Variants in CERS1 observed in about 807,000 individuals in gnomAD.
CERS1 encodes the protein Embryonic growth/differentiation factor 1.
Under a neutral mutation model 35.7 loss-of-function variants are expected in CERS1, and 16 were observed. The observed-to-expected ratio is 0.45, with a 90% CI of 0.30 to 0.68. The LOEUF (loss-of-function observed/expected upper bound fraction) is 0.68, where lower values mean the gene tolerates loss of function less well. Ranked by LOEUF, CERS1 falls within the 30% of genes least tolerant of loss-of-function variation. The probability of loss-of-function intolerance (pLI) is 0.08; values close to 1 mark genes in which losing one functional copy is unlikely to be tolerated. For synonymous variants in CERS1, 243 were observed against 201.6 expected (o/e 1.21, Z -1.74); for missense variants, 454 against 453.9 (o/e 1.00, Z 0.00).
rs2055949448 is a variant in CERS1 at position 18,870,533 on chromosome 19, G to A, written c.*44C>T. On this transcript the variant is annotated 3_prime_UTR_variant, in exon 7 of 8. Transcript: ENST00000623882. The surrounding 1 kb of genome is among the most constrained non-coding windows in gnomAD (Gnocchi z 5.1). The stretch of plus-strand genomic sequence containing the variant: ...GCCAAGGACGGGGAGCGTGGCCGGG[G>A]TATTCGGGGTGGGGCCGGGTCCACG... 5 of 107,092 alleles carry A rather than the reference G, an allele frequency of 4.7e-5. No homozygotes were observed. Among genetic ancestry groups the A allele is most frequent in the Non-Finnish European group, 1.0e-4 (5 of 48,948 alleles). 6.6% of individuals were successfully genotyped at this position (107,092 alleles called of 1,614,324 possible).
intron 6 of CERS1, among the ~76,000 whole-genome samples, chr19:18,875,656 C>G (rs2056047883): frequency 6.6e-6 from 1 of 152,148 alleles, no homozygotes; most frequent in African/African-American, 2.4e-5. Context: ...CCAACCTCGG[C>G]CTTTGTGGCC....
chr19:18,870,660 C>G lies in CERS1; in HGVS notation c.1011-41G>C. On this transcript the variant is annotated intron_variant, in intron 6 of 7. Transcript: ENST00000623882. The surrounding 1 kb of genome is among the most constrained non-coding windows in gnomAD (Gnocchi z 5.1). Reference sequence around the variant, plus strand: ...GGCGCAGGTTAGCCTGGGAGCCCCACGCGGCCGCCTGGCCCTCTTTCCCGC... The same window carrying G: ...GGCGCAGGTTAGCCTGGGAGCCCCAGGCGGCCGCCTGGCCCTCTTTCCCGC... 5.8e-6 allele frequency: 3 copies of G among 516,508 alleles called. No individual in the cohort carries two copies. The highest frequency in any genetic ancestry group is 6.7e-5 in the South Asian group (2 of 30,006). The allele number at this position is 516,508 out of a possible 1,614,324, so 32.0% of individuals were successfully genotyped here. A position where few individuals can be genotyped will look rare whatever the true frequency, so the allele number is the denominator to read the frequency against.
chr19:18,885,771 G>A (rs148053628), intron 2 of CERS1, among the ~76,000 whole-genome samples: 3,882 of 151,550 alleles, frequency 0.026, 168 homozygotes, highest in African/African-American at 0.089. Flanking sequence ...CGCCCGCCTC[G>A]GCCTCCCAAA....
chr19:18,884,008 C>G (rs938773512), intron 3 of CERS1, 79 bp downstream of exon 3: 8 of 1,468,932 alleles, frequency 5.4e-6, no homozygotes, highest in Non-Finnish European at 7.4e-6. Flanking sequence ...ACGGCCTCCT[C>G]TGTGCCCCGC....
intron 2 of CERS1, among the ~76,000 whole-genome samples, chr19:18,891,954 C>T (rs2056501835): frequency 1.3e-5 from 2 of 151,014 alleles, no homozygotes; most frequent in Admixed American, 1.3e-4. Flanking sequence ...AGTGCAGTGG[C>T]ACCATCTCGG....
chr19:18,889,510 G>A (rs974160712), intron 2 of CERS1, among the ~76,000 whole-genome samples: 8 of 152,120 alleles, frequency 5.3e-5, no homozygotes, highest in South Asian at 4.1e-4. Context: ...TCGACCTCCC[G>A]GGCTCAAGCC....
intron 1 of CERS1, among the ~76,000 whole-genome samples, chr19:18,894,391 C>A (rs1294876050): frequency 6.6e-6 from 1 of 152,100 alleles, no homozygotes; most frequent in East Asian, 1.9e-4. Context: ...GAGCCGGCTC[C>A]GGTAACCCCT....
At chr19:18,874,261 G>T (rs916156392) in intron 6 of CERS1, among the ~76,000 whole-genome samples, 1 of 152,182 alleles carries the variant, frequency 6.6e-6, no homozygotes, top group Admixed American at 6.5e-5. Context: ...CAGGAGAGAA[G>T]ATGCTCCTAC....
chr19:18,895,362 C>G lies in CERS1; in HGVS notation c.249+462G>C, dbSNP rs902908186. Among the ~76,000 whole-genome samples, 1 of 152,226 alleles carries G rather than the reference C, an allele frequency of 6.6e-6. No homozygotes were observed. On this transcript the variant is annotated intron_variant, in intron 1 of 7. Transcript: ENST00000623882. This position sits in a 1 kb window ranked among gnomAD's most constrained non-coding sequence, Gnocchi z 6.4. ...ATGGCAGGGAGGCGCATGGCGCAGG[C>G]CGCGGTGCGCCGAGCCCTCCCGTTC...
At chr19:18,879,120 G>T in intron 5 of CERS1, 81 bp from the exon 6 acceptor site, 1 of 1,585,506 alleles carries the variant, frequency 6.3e-7, no homozygotes, top group Non-Finnish European at 8.6e-7. Flanking sequence ...CTCCTGTCCC[G>T]GGCCCTCCAC....
intron 4 of CERS1, 116 bp downstream of exon 4, chr19:18,880,158 A>G (rs1365773972): frequency 1.1e-6 from 1 of 914,304 alleles, no homozygotes; most frequent in African/African-American, 2.1e-5. Flanking sequence ...CTGTCATGCC[A>G]CACACCCACC....
At chr19:18,885,644 C>T (rs1256842722) in intron 2 of CERS1, among the ~76,000 whole-genome samples, 1 of 151,148 alleles carries the variant, frequency 6.6e-6, no homozygotes, top group South Asian at 2.1e-4. Context: ...CTCAGCATGC[C>T]AAGTAGCTGG....
Position 18,868,628 on chromosome 19 carries a change from T to A in CERS1, c.*1357A>T. ...GCAGCCGCACTCGTCCACCACCATG[T>A]CCTCATACTGCCGCAGCACCACGTT... On this transcript the variant is annotated 3_prime_UTR_variant, in exon 8 of 8. Transcript: ENST00000623882. 1.3e-6 allele frequency: 2 copies of A among 1,572,878 alleles called. No individual in the cohort carries two copies. Among genetic ancestry groups the A allele is most frequent in the South Asian group, 1.2e-5 (1 of 85,688 alleles).
chr19:18,870,563 C>A lies in CERS1; in HGVS notation c.*14G>T. 6.8e-6 allele frequency: 1 copy of A among 147,964 alleles called. No homozygotes were observed. The highest frequency in any genetic ancestry group is 1.4e-4 in the East Asian group (1 of 7,252). The allele number at this position is 147,964 out of a possible 1,614,324, so 9.2% of individuals were successfully genotyped here. A position where few individuals can be genotyped will look rare whatever the true frequency, so the allele number is the denominator to read the frequency against. On this transcript the variant is annotated 3_prime_UTR_variant, in exon 7 of 8. Transcript: ENST00000623882. The surrounding 1 kb of genome is among the most constrained non-coding windows in gnomAD (Gnocchi z 5.1). ...CGGGGTGGGGCCGGGTCCACGGGGG[C>A]GGGGCCGAGGGGTTCAGAAGCGCTT...
Position 18,868,734 on chromosome 19 carries a change from C to T in CERS1, c.*1251G>A. ...CAGGGCAGGTCGGCGGCTCCCGGGG[C>T]GGCCGCGTGCATGAGCGCGCGCAGC... On this transcript the variant is annotated 3_prime_UTR_variant, in exon 8 of 8. Coordinates refer to ENST00000623882, the MANE Select transcript of CERS1 (RefSeq NM_021267.5). 1 of 1,532,476 alleles carries T rather than the reference C, an allele frequency of 6.5e-7. No individual in the cohort carries two copies. The highest frequency in any genetic ancestry group is 8.8e-7 in the Non-Finnish European group (1 of 1,136,004). 94.9% of individuals were successfully genotyped at this position (1,532,476 alleles called of 1,614,324 possible).
At position 18,869,153 on chromosome 19, in the gene CERS1, G is replaced by A; in HGVS notation, c.*832C>T. On this transcript the variant is annotated 3_prime_UTR_variant, in exon 8 of 8. Transcript: ENST00000623882. ...CGCGCGCACTGGCGGCCCCAGGGCG[G>A]GCACCAACTGGCGGAGCAGCACCGG... 1.8e-6 allele frequency: 2 copies of A among 1,128,408 alleles called. No individual in the cohort carries two copies. The highest frequency in any genetic ancestry group is 1.1e-6 in the Non-Finnish European group (1 of 921,192). The allele number at this position is 1,128,408 out of a possible 1,614,324, so 69.9% of individuals were successfully genotyped here.
chr19:18,875,870 A>G (rs182046473), intron 6 of CERS1, among the ~76,000 whole-genome samples: 9 of 152,360 alleles, frequency 5.9e-5, no homozygotes, highest in African/African-American at 2.2e-4. Context: ...TGGAGCCACC[A>G]GAAGCCCAAG....
intron 2 of CERS1, among the ~76,000 whole-genome samples, chr19:18,892,878 G>C (rs1032027676): frequency 7.2e-5 from 11 of 151,910 alleles, no homozygotes; most frequent in African/African-American, 2.7e-4. Context: ...GACACCCATA[G>C]GAGCTCTGAT....
At chr19:18,882,516 C>T (rs2056237434) in intron 3 of CERS1, among the ~76,000 whole-genome samples, 1 of 151,494 alleles carries the variant, frequency 6.6e-6, no homozygotes, top group African/African-American at 2.4e-5. Context: ...CCTGTAATCC[C>T]AGCTACTTGG....
Sources: gnomAD v4.1 joint callset for allele counts (sites outside exome capture counted in the v4.1 genomes callset) on GRCh38, gnomAD v4.1.1 for gene constraint, Gnocchi (gnomAD v3.1) non-coding constraint, MANE v1.5 for transcripts, NCBI Gene and HGNC (gene_info 2026-07-23, HGNC 2026-07-21) for gene names.